The following TNNI3K variants were observed in gnomAD, a reference collection of about 807,000 sequenced individuals.
The protein encoded by TNNI3K is TNNI3 interacting kinase.
Under a neutral mutation model 114.5 loss-of-function variants are expected in TNNI3K, and 140 were observed. The ratio of observed to expected loss-of-function variants is 1.22; its 90% CI spans 1.07 to 1.41. The LOEUF (loss-of-function observed/expected upper bound fraction) is 1.41. Ranked by LOEUF, TNNI3K falls within the 40% of genes most tolerant of loss-of-function variation. The pLI, the probability that TNNI3K is intolerant of heterozygous loss-of-function variation, is 0.00. For missense variants in TNNI3K, 1,125 were observed against 1,007.6 expected (o/e 1.12, Z -1.58); for synonymous variants, 347 against 347.5 (o/e 1.00, Z 0.02).
chr1:74,486,430 T>G (rs1206001047), intron 21 of TNNI3K, among the ~76,000 whole-genome samples: 3 of 152,128 alleles, frequency 2.0e-5, no homozygotes, highest in African/African-American at 7.2e-5. Flanking sequence ...TCAATATAAT[T>G]TGCTGGTATA....
chr1:74,375,455 G>T (rs1662858441), intron 17 of TNNI3K: 2 of 415,342 alleles, frequency 4.8e-6, no homozygotes, highest in Admixed American at 2.5e-5. Flanking sequence ...AGAAATAATG[G>T]TTTAGGAATC....
chr1:74,509,582 C>A (rs187738420), intron 23 of TNNI3K, among the ~76,000 whole-genome samples: 1 of 151,886 alleles, frequency 6.6e-6, no homozygotes, highest in Non-Finnish European at 1.5e-5. Flanking sequence ...ACATAGAGGA[C>A]AATGAATTAT....
intron 17 of TNNI3K, among the ~76,000 whole-genome samples, chr1:74,412,615 A>G (rs981876830): frequency 6.6e-6 from 1 of 151,872 alleles, no homozygotes; most frequent in Non-Finnish European, 1.5e-5. Flanking sequence ...ATCACATTCA[A>G]TCCTTGTTTT....
chr1:74,420,858 TTCTTA>T, intron 17 of TNNI3K, among the ~76,000 whole-genome samples: 1 of 152,272 alleles, frequency 6.6e-6, no homozygotes, highest in Non-Finnish European at 1.5e-5. Flanking sequence ...GAATGGCTGC[TTCTTA>T]TCTATATTGT....
intron 23 of TNNI3K, among the ~76,000 whole-genome samples, chr1:74,504,759 T>C (rs17095465): frequency 0.068 from 10,313 of 152,062 alleles, 826 homozygotes; most frequent in African/African-American, 0.19. Context: ...GATGCAGCTC[T>C]CACCGTGGCT....
chr1:74,380,842 C>A (rs988671349), intron 17 of TNNI3K, among the ~76,000 whole-genome samples: 1 of 152,030 alleles, frequency 6.6e-6, no homozygotes. Flanking sequence ...TCGTTTTCAA[C>A]CCTTGCTTGC....
intron 20 of TNNI3K, among the ~76,000 whole-genome samples, chr1:74,458,814 T>C (rs1667331363): frequency 1.3e-5 from 2 of 152,188 alleles, no homozygotes; most frequent in African/African-American, 4.8e-5. Context: ...TGCAGGTTCA[T>C]TGGTATATTG....
At chr1:74,249,762 G>A (rs554675744) in intron 3 of TNNI3K, among the ~76,000 whole-genome samples, 7 of 152,170 alleles carry the variant, frequency 4.6e-5, no homozygotes, top group South Asian at 2.1e-4. Flanking sequence ...TGTTGCTACC[G>A]GAAACCAAGT....
chr1:74,295,247 T>C, intron 5 of TNNI3K, among the ~76,000 whole-genome samples: 1 of 152,192 alleles, frequency 6.6e-6, no homozygotes, highest in East Asian at 1.9e-4. Flanking sequence ...ATTGCAATGT[T>C]TCAAAATTTG....
At chr1:74,526,428 G>C (rs775987732) in intron 23 of TNNI3K, among the ~76,000 whole-genome samples, 17 of 152,090 alleles carry the variant, frequency 1.1e-4, no homozygotes, top group Non-Finnish European at 2.1e-4. Flanking sequence ...TTAAAAGCTT[G>C]GGCTCAGATG....
Position 74,439,622 on chromosome 1 carries a change from G to A in TNNI3K, c.2011G>A (p.Ala671Thr), listed in dbSNP as rs140657235. 2 of 1,612,980 alleles carry A rather than the reference G, an allele frequency of 1.2e-6. No individual in the cohort carries two copies. Among genetic ancestry groups the A allele is most frequent in the Non-Finnish European group, 1.7e-6 (2 of 1,179,430 alleles). Residue 671 changes from alanine to threonine, a missense_variant and splice_region_variant, in exon 20 of 25, where the codon GCG becomes ACG. Physicochemically the swap from Ala to Thr is moderately conservative, Grantham distance 58 (BLOSUM62 0). Coordinates refer to ENST00000326637, the MANE Select transcript of TNNI3K (RefSeq NM_015978.3). ...GEIPFAHLKP[A>T]AAAADMAYHH... Reference sequence around the variant, plus strand: ...AATTCCATTCGCTCATCTCAAGCCAGGTAAGACACACTGCAATTGAAGTTT... The same window carrying A: ...AATTCCATTCGCTCATCTCAAGCCAAGTAAGACACACTGCAATTGAAGTTT...
At chr1:74,263,789 TTAAA>T (rs976987655) in intron 4 of TNNI3K, among the ~76,000 whole-genome samples, 7 of 152,042 alleles carry the variant, frequency 4.6e-5, no homozygotes, top group Admixed American at 3.3e-4. Context: ...CTCTTGCTCC[TTAAA>T]TAAACATAAA....
At chr1:74,473,150 G>T (rs948173925) in intron 21 of TNNI3K, among the ~76,000 whole-genome samples, 1 of 152,064 alleles carries the variant, frequency 6.6e-6, no homozygotes, top group Non-Finnish European at 1.5e-5. Context: ...TAAGAGCTAG[G>T]CATTGTGCTC....
At chr1:74,279,658 T>G (rs1656885514) in intron 5 of TNNI3K, among the ~76,000 whole-genome samples, 1 of 152,192 alleles carries the variant, frequency 6.6e-6, no homozygotes, top group South Asian at 2.1e-4. Context: ...CAATTTGCTT[T>G]TGGTTGGTAC....
Position 74,235,433 on chromosome 1 carries a change from A to G in TNNI3K, c.-19A>G, listed in dbSNP as rs554441576. The G allele has an allele frequency of 7.3e-6, 11 of 1,509,172 alleles. No individual in the cohort carries two copies. The highest frequency in any genetic ancestry group is 1.0e-5 in the Non-Finnish European group (11 of 1,103,404). The allele number at this position is 1,509,172 out of a possible 1,614,324, so 93.5% of individuals were successfully genotyped here. On this transcript the variant is annotated 5_prime_UTR_variant, in exon 1 of 25. Coordinates refer to ENST00000326637, the MANE Select transcript of TNNI3K (RefSeq NM_015978.3). Reference sequence around the variant, plus strand: ...TAACTTGAAGAACTGCCCTGGAGAAAGGAAGAAACTTATAATAAATGGGAA... The same window carrying G: ...TAACTTGAAGAACTGCCCTGGAGAAGGGAAGAAACTTATAATAAATGGGAA...
chr1:74,475,114 GCC>G (rs1553150553), intron 21 of TNNI3K, among the ~76,000 whole-genome samples: 3 of 72,246 alleles, frequency 4.2e-5, no homozygotes, highest in Non-Finnish European at 8.0e-5. Flanking sequence ...CTCCACCTCA[GCC>G]CACACACACA....
At chr1:74,494,002 G>A (rs1669207656) in intron 23 of TNNI3K, among the ~76,000 whole-genome samples, 2 of 152,278 alleles carry the variant, frequency 1.3e-5, no homozygotes, top group South Asian at 4.2e-4. Flanking sequence ...ACGGTTGTCA[G>A]GGGCCCCTGT....
At position 74,420,866 on chromosome 1, in the gene TNNI3K, T is replaced by C. The variant is rs187447821; in HGVS notation, c.1773-15214T>C. Among the ~76,000 whole-genome samples the C allele has an allele frequency of 2.4e-3, 369 of 152,202 alleles. 2 individuals carry two copies. The highest frequency in any genetic ancestry group is 0.014 in the Middle Eastern group (4 of 294). On this transcript the variant is annotated intron_variant, in intron 17 of 24. Transcript: ENST00000326637. Reference sequence around the variant, plus strand: ...TAGAAAAGAATGGCTGCTTCTTATCTATATTGTCAGGAATTTTAATTAGTT... The same window carrying C: ...TAGAAAAGAATGGCTGCTTCTTATCCATATTGTCAGGAATTTTAATTAGTT...
At chr1:74,238,566 T>C (rs1322281993) in intron 2 of TNNI3K, among the ~76,000 whole-genome samples, 2 of 152,026 alleles carry the variant, frequency 1.3e-5, no homozygotes, top group African/African-American at 4.8e-5. Flanking sequence ...GATTTCAAAA[T>C]TAAAAATGTA....
Sources: allele counts gnomAD v4.1 joint callset (sites outside exome capture counted in the v4.1 genomes callset), GRCh38; gene constraint gnomAD v4.1.1; transcripts MANE v1.5; gene names NCBI Gene and HGNC (gene_info 2026-07-23, HGNC 2026-07-21).